Variants in PRIM2 observed in about 807,000 individuals in gnomAD.
The protein encoded by PRIM2 is DNA primase subunit 2.
PRIM2 carries 39 observed loss-of-function variants against 67.3 expected under a neutral mutation model. The ratio of observed to expected loss-of-function variants is 0.58; its 90% CI spans 0.45 to 0.76. PRIM2 has a LOEUF of 0.76. Among genes scored for constraint, PRIM2 ranks in the 30% least tolerant of loss-of-function variants. The probability of loss-of-function intolerance (pLI) is 0.00; values close to 1 mark genes in which losing one functional copy is unlikely to be tolerated. For synonymous variants in PRIM2, 143 were observed against 198.7 expected, an observed-to-expected ratio of 0.72 and a Z score of 2.36; for missense variants, 398 against 598.7, an observed-to-expected ratio of 0.66 and a Z score of 3.50.
chr6:57,337,390 A>G (rs1768293554), intron 5 of PRIM2, among the ~76,000 whole-genome samples: 1 of 151,886 alleles, frequency 6.6e-6, no homozygotes, highest in Non-Finnish European at 1.5e-5. Context: ...TCTCCACCCC[A>G]AATCAACAGA....
chr6:57,519,862 T>TA (rs1774575129), intron 8 of PRIM2, among the ~76,000 whole-genome samples: 1 of 152,210 alleles, frequency 6.6e-6, no homozygotes, highest in South Asian at 2.1e-4. Flanking sequence ...TTTGGGGAAC[T>TA]AATAAATGTC....
chr6:57,419,848 A>G (rs1771405409), intron 7 of PRIM2, among the ~76,000 whole-genome samples: 1 of 152,154 alleles, frequency 6.6e-6, no homozygotes, highest in Non-Finnish European at 1.5e-5. Flanking sequence ...TCAAATTCTC[A>G]TTCTCTTTTG....
At chr6:57,615,944 G>A (rs1776749402) in intron 12 of PRIM2, among the ~76,000 whole-genome samples, 1 of 152,068 alleles carries the variant, frequency 6.6e-6, no homozygotes, top group African/African-American at 2.4e-5. Flanking sequence ...TTGTCTTTTT[G>A]TTATACTGAA....
At position 57,587,861 on chromosome 6, in the gene PRIM2, G is replaced by C. The variant is rs1369301533; in HGVS notation, c.1021-13232G>C. 4.8e-3 allele frequency among the ~76,000 whole-genome samples: 736 copies of C among 152,044 alleles called. 5 individuals carry two copies. The highest frequency in any genetic ancestry group is 0.017 in the African/African-American group (709 of 41,504). On this transcript the variant is annotated intron_variant, in intron 10 of 13. Coordinates refer to ENST00000615550, the MANE Select transcript of PRIM2 (RefSeq NM_000947.5). ...CACTTGACTTTTTAATAGCCAAATGGAAGTAATGCACGGATTAGAAGTGGG... is the reference window on the plus strand; with the variant it reads ...CACTTGACTTTTTAATAGCCAAATGCAAGTAATGCACGGATTAGAAGTGGG...
At chr6:57,516,743 G>T (rs1554348313) in intron 8 of PRIM2, among the ~76,000 whole-genome samples, 48,902 of 151,964 alleles carry the variant, frequency 0.32, 7,869 homozygotes, top group East Asian at 0.46. Flanking sequence ...TTTGTTTTAT[G>T]TATTGTTTAT....
intron 7 of PRIM2, among the ~76,000 whole-genome samples, chr6:57,450,045 A>C (rs10456746): frequency 1.3e-5 from 2 of 152,190 alleles, no homozygotes; most frequent in Admixed American, 6.5e-5. Context: ...AGAGCCTGTC[A>C]CTTAAAGGTG....
intron 8 of PRIM2, among the ~76,000 whole-genome samples, chr6:57,528,513 A>T (rs1229501833): frequency 1.3e-5 from 2 of 152,028 alleles, no homozygotes; most frequent in Admixed American, 6.6e-5. Context: ...TACTTAGTAT[A>T]GTATGCATTA....
At chr6:57,446,684 C>A (rs549893835) in intron 7 of PRIM2, among the ~76,000 whole-genome samples, 1 of 151,966 alleles carries the variant, frequency 6.6e-6, no homozygotes, top group East Asian at 1.9e-4. Flanking sequence ...TTTAAGGAGC[C>A]CTTAAACTTT....
the PRIM2 span, among the ~76,000 whole-genome samples, chr6:57,264,277 C>G: frequency 6.9e-4 from 105 of 152,192 alleles, 2 homozygotes; most frequent in East Asian, 0.019. Context: ...GTACCTGAAG[C>G]CCTCTTTAGT....
intron 7 of PRIM2, among the ~76,000 whole-genome samples, chr6:57,420,435 G>A (rs1180628728): frequency 6.6e-6 from 1 of 152,118 alleles, no homozygotes; most frequent in Non-Finnish European, 1.5e-5. Flanking sequence ...CCCAGAAGGC[G>A]GAGGTTGCGG....
chr6:57,372,365 A>G (rs575303988), intron 5 of PRIM2, among the ~76,000 whole-genome samples: 2 of 152,216 alleles, frequency 1.3e-5, no homozygotes, highest in Non-Finnish European at 2.9e-5. Context: ...ACTCATATTA[A>G]TTAGCTATAA....
chr6:57,341,969 A>G (rs1768509034), intron 5 of PRIM2, among the ~76,000 whole-genome samples: 2 of 152,234 alleles, frequency 1.3e-5, no homozygotes, highest in East Asian at 1.9e-4. Context: ...GGTTTCCTCA[A>G]TGCTGCAGTT....
chr6:57,447,761 C>G (rs1041051654), intron 7 of PRIM2, among the ~76,000 whole-genome samples: 2 of 152,180 alleles, frequency 1.3e-5, no homozygotes, highest in African/African-American at 4.8e-5. Context: ...AAGAAGTTAT[C>G]TTTCACATGA....
intron 13 of PRIM2, among the ~76,000 whole-genome samples, chr6:57,634,989 A>C (rs1777095002): frequency 6.6e-6 from 1 of 152,186 alleles, no homozygotes; most frequent in South Asian, 2.1e-4. Flanking sequence ...AATTTAATTT[A>C]AAAATAGAAT....
chr6:57,410,431 G>A (rs1771050949), intron 7 of PRIM2, among the ~76,000 whole-genome samples: 1 of 151,510 alleles, frequency 6.6e-6, no homozygotes, highest in African/African-American at 2.4e-5. Context: ...TTTGATCATG[G>A]GTATGTTTCT....
At chr6:57,376,483 C>G (rs1769769254) in intron 5 of PRIM2, among the ~76,000 whole-genome samples, 1 of 152,052 alleles carries the variant, frequency 6.6e-6, no homozygotes, top group Admixed American at 6.5e-5. Flanking sequence ...GCTAATTTTT[C>G]TATTGGATTG....
chr6:57,543,530 G>A (rs1362695908), intron 10 of PRIM2, among the ~76,000 whole-genome samples: 4 of 151,978 alleles, frequency 2.6e-5, no homozygotes, highest in Non-Finnish European at 5.9e-5. Context: ...CAAATATTTT[G>A]GGTACTTAGC....
chr6:57,369,377 C>T (rs1769469818), intron 5 of PRIM2, among the ~76,000 whole-genome samples: 2 of 152,324 alleles, frequency 1.3e-5, no homozygotes, highest in South Asian at 2.1e-4. Flanking sequence ...GGAAATATAA[C>T]TTTGCCAAAA....
At chr6:57,233,758 G>T in the PRIM2 span, among the ~76,000 whole-genome samples, 1 of 151,456 alleles carries the variant, frequency 6.6e-6, no homozygotes, top group Non-Finnish European at 1.5e-5. Flanking sequence ...CAAGTGATTC[G>T]ATCCTTCTGC....
Sources: gnomAD v4.1 joint callset for allele counts (sites outside exome capture counted in the v4.1 genomes callset) on GRCh38, gnomAD v4.1.1 for gene constraint, MANE v1.5 for transcripts, NCBI Gene and HGNC (gene_info 2026-07-23, HGNC 2026-07-21) for gene names.